The following RIMS2 variants were observed in gnomAD, a reference collection of about 807,000 sequenced individuals.
RIMS2 encodes the protein regulating synaptic membrane exocytosis protein 2.
A neutral mutation model predicts 174.4 loss-of-function variants in RIMS2; 59 were observed. The ratio of observed to expected loss-of-function variants is 0.34; its 90% CI spans 0.27 to 0.42. RIMS2 has a LOEUF of 0.42. Among genes scored for constraint, RIMS2 ranks in the 10% least tolerant of loss-of-function variants. RIMS2 has a pLI of 1.00. For missense variants in RIMS2, 1,620 were observed against 1,666.3 expected, an observed-to-expected ratio of 0.97 and a Z score of 0.48; for synonymous variants, 606 against 572.5, an observed-to-expected ratio of 1.06 and a Z score of -0.84.
downstream of RIMS2, chr8:104,253,710 A>G (rs1348658182): frequency 6.6e-6 from 1 of 152,204 alleles, no homozygotes; most frequent in East Asian, 1.9e-4. Context: ...TTGATAACAC[A>G]TTATTATAGC....
chr8:104,203,288 T>A (rs1406530168), intron 19 of RIMS2, among the ~76,000 whole-genome samples: 1 of 152,094 alleles, frequency 6.6e-6, no homozygotes, highest in Non-Finnish European at 1.5e-5. Flanking sequence ...GGAAAAGATA[T>A]GTGAAAAAGC....
At chr8:103,767,378 G>A (rs1003437321) in intron 3 of RIMS2, among the ~76,000 whole-genome samples, 11 of 151,986 alleles carry the variant, frequency 7.2e-5, no homozygotes, top group African/African-American at 2.7e-4. Context: ...AGTAGAGGCG[G>A]GGTTTCACCA....
At chr8:103,529,972 G>A (rs1263159283) in intron 1 of RIMS2, among the ~76,000 whole-genome samples, 2 of 152,190 alleles carry the variant, frequency 1.3e-5, no homozygotes, top group Non-Finnish European at 2.9e-5. Flanking sequence ...CAGTTAGAAG[G>A]AAAATGGTCT....
intron 19 of RIMS2, among the ~76,000 whole-genome samples, chr8:104,193,524 A>C (rs985694190): frequency 6.6e-6 from 1 of 152,164 alleles, no homozygotes; most frequent in African/African-American, 2.4e-5. Flanking sequence ...CCAAGTTCTG[A>C]CAGCTTCTTC....
intron 19 of RIMS2, among the ~76,000 whole-genome samples, chr8:104,126,224 G>A (rs1411215344): frequency 6.6e-6 from 1 of 152,088 alleles, no homozygotes; most frequent in African/African-American, 2.4e-5. Flanking sequence ...TTGTCAAAAT[G>A]CAAAATAAAA....
At chr8:104,209,258 G>A (rs758251000) in intron 19 of RIMS2, among the ~76,000 whole-genome samples, 4 of 152,078 alleles carry the variant, frequency 2.6e-5, no homozygotes, top group African/African-American at 4.8e-5. Context: ...TTAACACATA[G>A]GGATATTTGT....
At chr8:103,987,733 A>G (rs984403026) in intron 16 of RIMS2, among the ~76,000 whole-genome samples, 3 of 152,224 alleles carry the variant, frequency 2.0e-5, no homozygotes, top group Non-Finnish European at 4.4e-5. Context: ...GAAACCCAAC[A>G]TAACCAAAAT....
At chr8:104,043,168 C>T (rs1307802460) in intron 19 of RIMS2, among the ~76,000 whole-genome samples, 1 of 150,156 alleles carries the variant, frequency 6.7e-6, no homozygotes, top group East Asian at 1.9e-4. Flanking sequence ...TAGGTAGAAA[C>T]CAAATAGAAG....
At chr8:103,852,098 G>C (rs1321792695) in intron 3 of RIMS2, among the ~76,000 whole-genome samples, 1 of 151,966 alleles carries the variant, frequency 6.6e-6, no homozygotes, top group Admixed American at 6.6e-5. Context: ...CTTAGAGAGT[G>C]AAGAGGCTAT....
intron 2 of RIMS2, among the ~76,000 whole-genome samples, chr8:103,765,641 A>T (rs185741119): frequency 1.2e-3 from 190 of 152,280 alleles, no homozygotes; most frequent in African/African-American, 4.1e-3. Context: ...TACTTGAAAA[A>T]AATAAAAGCC....
intron 19 of RIMS2, among the ~76,000 whole-genome samples, chr8:104,064,041 A>G (rs1598070260): frequency 6.6e-6 from 1 of 152,304 alleles, no homozygotes; most frequent in African/African-American, 2.4e-5. Context: ...GCTGCCAGCT[A>G]TTGTGACCAT....
At chr8:104,056,733 A>G (rs1394247238) in intron 19 of RIMS2, among the ~76,000 whole-genome samples, 1 of 152,064 alleles carries the variant, frequency 6.6e-6, no homozygotes, top group African/African-American at 2.4e-5. Context: ...AATAAAAAAT[A>G]AAAACAGCTG....
intron 1 of RIMS2, among the ~76,000 whole-genome samples, chr8:103,555,938 TAGAA>T (rs1433863320): frequency 6.6e-6 from 1 of 152,124 alleles, no homozygotes; most frequent in Non-Finnish European, 1.5e-5. Context: ...AAACTATGGA[TAGAA>T]AGACGAATAC....
At chr8:103,541,687 C>A (rs759320460) in intron 1 of RIMS2, among the ~76,000 whole-genome samples, 9 of 152,068 alleles carry the variant, frequency 5.9e-5, no homozygotes, top group Non-Finnish European at 1.2e-4. Context: ...GTGTGTAAAT[C>A]GCTTATAGCT....
chr8:103,592,100 T>G (rs1205588509), intron 1 of RIMS2, among the ~76,000 whole-genome samples: 1 of 151,218 alleles, frequency 6.6e-6, no homozygotes, highest in Non-Finnish European at 1.5e-5. Context: ...TTTGATGTCA[T>G]GGGAGCAGGT....
In RIMS2 at chr8:103,842,874, G is replaced by A. The variant is rs186477546; in HGVS notation, c.699-42424G>A. Among the ~76,000 whole-genome samples, 55 of 152,304 alleles carry A rather than the reference G, an allele frequency of 3.6e-4. 1 individual carries two copies. Among genetic ancestry groups the A allele is most frequent in the Non-Finnish European group, 2.9e-4 (20 of 68,024 alleles). ...TGGATTCTAGAAGTCCAAGATCAAC[G>A]TGTCAGGAGGTTTGGTTTCTTCTGA... On this transcript the variant is annotated intron_variant, in intron 3 of 23. Transcript: ENST00000504942.
intron 19 of RIMS2, among the ~76,000 whole-genome samples, chr8:104,200,905 CCT>C (rs1044814439): frequency 5.3e-5 from 8 of 152,114 alleles, no homozygotes; most frequent in African/African-American, 1.9e-4. Flanking sequence ...ACAGTGAGAC[CCT>C]GTCTCAAAAA....
intron 19 of RIMS2, among the ~76,000 whole-genome samples, chr8:104,080,469 T>A (rs1268057958): frequency 2.0e-5 from 3 of 152,056 alleles, no homozygotes; most frequent in African/African-American, 7.2e-5. Context: ...CACAAGTGCC[T>A]GAATCTGTAT....
At chr8:103,652,815 G>T in intron 1 of RIMS2, 105 bp downstream of exon 3, 1 of 627,726 alleles carries the variant, frequency 1.6e-6, no homozygotes, top group Non-Finnish European at 2.5e-6. Context: ...CCTCAGAAAG[G>T]AAAATTGTTC....
Sources: gnomAD v4.1 joint callset for allele counts (sites outside exome capture counted in the v4.1 genomes callset) on GRCh38, gnomAD v4.1.1 for gene constraint, MANE v1.5 for transcripts, NCBI Gene and HGNC (gene_info 2026-07-23, HGNC 2026-07-21) for gene names.